Variants in ARHGAP31 observed in about 807,000 individuals in gnomAD.
ARHGAP31 encodes the protein Rho GTPase activating protein 31, also known as rho GTPase-activating protein 31.
A neutral mutation model predicts 113.9 loss-of-function variants in ARHGAP31; 34 were observed. The observed-to-expected ratio is 0.30, with a 90% CI of 0.23 to 0.40. ARHGAP31 has a LOEUF of 0.40. Among genes scored for constraint, ARHGAP31 ranks in the 10% least tolerant of loss-of-function variants. The probability of loss-of-function intolerance (pLI) is 1.00; values close to 1 mark genes in which losing one functional copy is unlikely to be tolerated. For synonymous variants in ARHGAP31, 650 were observed against 684.8 expected, an observed-to-expected ratio of 0.95 and a Z score of 0.79; for missense variants, 1,548 against 1,767.1, an observed-to-expected ratio of 0.88 and a Z score of 2.22.
intron 1 of ARHGAP31, chr3:119,324,919 G>A (rs2079828654): frequency 2.2e-6 from 1 of 456,672 alleles, no homozygotes. Context: ...CTAAATGAAG[G>A]TGCTATACTT....
chr3:119,326,861 G>C (rs549159710), intron 1 of ARHGAP31, among the ~76,000 whole-genome samples: 3 of 152,298 alleles, frequency 2.0e-5, no homozygotes, highest in Admixed American at 2.0e-4. Flanking sequence ...ATTTCTGTCA[G>C]GTGGGTTGGC....
intron 4 of ARHGAP31, among the ~76,000 whole-genome samples, chr3:119,381,219 A>G (rs2080394151): frequency 6.6e-6 from 1 of 152,182 alleles, no homozygotes; most frequent in Non-Finnish European, 1.5e-5. Context: ...AACACCCCTC[A>G]GAATCTCTCA....
chr3:119,298,924 G>T, intron 1 of ARHGAP31: 1 of 236,652 alleles, frequency 4.2e-6, no homozygotes, highest in South Asian at 6.7e-5. Context: ...GTCAGGAATT[G>T]ATCTCGTGAA....
At chr3:119,349,550 G>T (rs1167201213) in intron 1 of ARHGAP31, among the ~76,000 whole-genome samples, 1 of 152,130 alleles carries the variant, frequency 6.6e-6, no homozygotes, top group Admixed American at 6.6e-5. Flanking sequence ...GGTGATGTTG[G>T]GGGAGGGGTC....
intron 10 of ARHGAP31, among the ~76,000 whole-genome samples, chr3:119,408,830 C>T (rs149290406): frequency 9.2e-5 from 14 of 152,224 alleles, no homozygotes; most frequent in Non-Finnish European, 1.5e-4. Flanking sequence ...TTCCTGATCT[C>T]GTAGATGTTT....
chr3:119,413,374 G>C (rs1240977507), intron 11 of ARHGAP31, among the ~76,000 whole-genome samples: 2 of 151,708 alleles, frequency 1.3e-5, no homozygotes, highest in Non-Finnish European at 2.9e-5. Flanking sequence ...TTGGAAAGCA[G>C]GTGTCAGGGT....
intron 1 of ARHGAP31, among the ~76,000 whole-genome samples, chr3:119,300,761 A>C (rs983779740): frequency 5.3e-5 from 8 of 149,656 alleles, no homozygotes; most frequent in Admixed American, 5.3e-4. Context: ...TGGGAGGCGG[A>C]GGTTGCAGTG....
intron 1 of ARHGAP31, among the ~76,000 whole-genome samples, chr3:119,302,840 T>C (rs1481393160): frequency 6.6e-6 from 1 of 152,236 alleles, no homozygotes; most frequent in East Asian, 1.9e-4. Flanking sequence ...CTCCCTTTGC[T>C]TTGTTTTTCC....
intron 4 of ARHGAP31, 39 bp from the exon 5 acceptor site, chr3:119,382,253 C>G (rs768301727): frequency 6.3e-7 from 1 of 1,580,312 alleles, no homozygotes; most frequent in Non-Finnish European, 8.7e-7. Context: ...CACACGGGCA[C>G]TGAAGTTTCT....
At chr3:119,366,425 TC>T (rs2080252540) in intron 2 of ARHGAP31, among the ~76,000 whole-genome samples, 1 of 152,098 alleles carries the variant, frequency 6.6e-6, no homozygotes, top group Non-Finnish European at 1.5e-5. Context: ...AAATAGAGCA[TC>T]TTTTTTTTTT....
chr3:119,331,161 A>G (rs1266218512), intron 1 of ARHGAP31, among the ~76,000 whole-genome samples: 1 of 152,214 alleles, frequency 6.6e-6, no homozygotes, highest in Non-Finnish European at 1.5e-5. Context: ...GTGCTTGGCT[A>G]AGACCATAAG....
intron 1 of ARHGAP31, among the ~76,000 whole-genome samples, chr3:119,337,427 G>C (rs1429633501): frequency 1.3e-5 from 2 of 151,864 alleles, no homozygotes; most frequent in Non-Finnish European, 2.9e-5. Flanking sequence ...GCTCATAAAG[G>C]CAGCACAGAC....
intron 1 of ARHGAP31, among the ~76,000 whole-genome samples, chr3:119,304,673 A>G (rs1009104573): frequency 6.6e-6 from 1 of 152,136 alleles, no homozygotes; most frequent in African/African-American, 2.4e-5. Context: ...AACAAGAGTG[A>G]CCTTTGATTT....
chr3:119,355,397 G>A lies in ARHGAP31; in HGVS notation c.101-9919G>A, dbSNP rs912709918. The stretch of plus-strand genomic sequence containing the variant: ...TCTTTGAGGAATCCAGATAGCAAAG[G>A]AGCCCAGAAAATCCATCTGGAGAAA... On this transcript the variant is annotated intron_variant, in intron 1 of 11. Transcript: ENST00000264245. 2.6e-5 allele frequency among the ~76,000 whole-genome samples: 4 copies of A among 151,546 alleles called. No homozygotes were observed. The East Asian group carries it at 7.7e-4, about 29-fold the overall frequency.
chr3:119,338,523 G>A (rs901826992), intron 1 of ARHGAP31, among the ~76,000 whole-genome samples: 3 of 152,162 alleles, frequency 2.0e-5, no homozygotes, highest in Non-Finnish European at 4.4e-5. Flanking sequence ...TTAAAACAGT[G>A]ACATAGGGTG....
At chr3:119,408,064 C>A (rs1053849134) in intron 10 of ARHGAP31, among the ~76,000 whole-genome samples, 1 of 121,238 alleles carries the variant, frequency 8.2e-6, no homozygotes, top group Non-Finnish European at 1.8e-5. Context: ...AGATAAGCAA[C>A]CTAGAGATAA....
rs147499053 is a variant in ARHGAP31 at position 119,326,063 on chromosome 3, G to A, written c.100+31059G>A. 9.8e-3 allele frequency among the ~76,000 whole-genome samples: 1,497 copies of A among 152,104 alleles called. 22 individuals carry two copies. Among genetic ancestry groups the A allele is most frequent in the African/African-American group, 0.035 (1,437 of 41,472 alleles). The stretch of plus-strand genomic sequence containing the variant: ...AAACATTAGCCGGGCGTGGTGGTGG[G>A]CGCCTGTAATCCCAGCTACTCAGGA... On this transcript the variant is annotated intron_variant, in intron 1 of 11. Transcript: ENST00000264245.
intron 1 of ARHGAP31, 109 bp from the exon 2 acceptor site, chr3:119,365,207 T>G (rs758194035): frequency 1.5e-5 from 13 of 854,966 alleles, no homozygotes; most frequent in Non-Finnish European, 2.3e-5. Flanking sequence ...TCATATGAGT[T>G]CCATACTTAC....
intron 1 of ARHGAP31, among the ~76,000 whole-genome samples, chr3:119,311,867 G>T (rs1027467052): frequency 2.0e-5 from 3 of 152,242 alleles, no homozygotes; most frequent in Non-Finnish European, 4.4e-5. Context: ...ACTCAGAGGA[G>T]TGGGATCTTA....
Sources: allele counts gnomAD v4.1 joint callset (sites outside exome capture counted in the v4.1 genomes callset), GRCh38; gene constraint gnomAD v4.1.1; transcripts MANE v1.5; gene names NCBI Gene and HGNC (gene_info 2026-07-23, HGNC 2026-07-21).